The following GPC1 variants were observed in gnomAD, a reference collection of about 807,000 sequenced individuals.
The protein encoded by GPC1 is glypican-1.
Under a neutral mutation model 51.5 loss-of-function variants are expected in GPC1, and 26 were observed. That is an observed-to-expected ratio of 0.50 (90% CI 0.37 to 0.70). The LOEUF (loss-of-function observed/expected upper bound fraction) is 0.70. Among genes scored for constraint, GPC1 ranks in the 30% least tolerant of loss-of-function variants. The probability of loss-of-function intolerance (pLI) is 0.00; values close to 1 mark genes in which losing one functional copy is unlikely to be tolerated. For missense variants in GPC1, 775 were observed against 800.5 expected, an observed-to-expected ratio of 0.97 and a Z score of 0.38; for synonymous variants, 380 against 348.3, an observed-to-expected ratio of 1.09 and a Z score of -1.01.
chr2:240,455,393 C>G (rs2074148913), intron 1 of GPC1, among the ~76,000 whole-genome samples: 1 of 152,162 alleles, frequency 6.6e-6, no homozygotes, highest in Non-Finnish European at 1.5e-5. Context: ...GGGAGCAGGC[C>G]CGGTGACCTT....
chr2:240,463,492 C>T lies in GPC1; in HGVS notation c.863C>T (p.Ala288Val). 1.2e-6 allele frequency: 2 copies of T among 1,612,952 alleles called. No homozygotes were observed. Among genetic ancestry groups the T allele is most frequent in the Non-Finnish European group, 1.7e-6 (2 of 1,179,952 alleles). The change falls in exon 4 of 9, where the codon GCC becomes GTC. Residue 288 changes from alanine (A) to valine (V), a missense_variant. Ala to Val is a moderately conservative substitution (Grantham distance 64). Coordinates refer to ENST00000264039, the MANE Select transcript of GPC1 (RefSeq NM_002081.3). ...GCLANQADLD[A>V]EWRNLLDSMV... ...CTTGCCAACCAGGCCGACCTGGACG[C>T]CGAGTGGAGGAACCTCCTGGGTGAG...
intron 1 of GPC1, chr2:240,450,954 G>A (rs1294042316): frequency 2.5e-6 from 1 of 403,848 alleles, no homozygotes; most frequent in Non-Finnish European, 5.2e-6. Context: ...CATGTGAGAT[G>A]GAGGGAAGTG....
chr2:240,455,124 G>C (rs1373279197), intron 1 of GPC1: 1 of 163,170 alleles, frequency 6.1e-6, no homozygotes. Flanking sequence ...GACAGCAGCT[G>C]CCTACGAGCC....
chr2:240,462,256 G>C lies in GPC1; in HGVS notation c.391G>C (p.Gly131Arg). The part of the protein sequence containing the change: ...TLQATFPGAF[G>R]ELYTQNARAF... The stretch of plus-strand genomic sequence containing the variant: ...GCAGGCCACCTTCCCCGGCGCCTTC[G>C]GAGAGCTGTACACGCAGAACGCGAG... Residue 131 changes from glycine (G) to arginine (R), a missense_variant, in exon 3 of 9, where the codon GGA becomes CGA. Gly to Arg is a moderately radical substitution (Grantham distance 125, BLOSUM62 -2). Transcript: ENST00000264039. The C allele has an allele frequency of 6.2e-7, 1 of 1,610,610 alleles. No individual in the cohort carries two copies. Among genetic ancestry groups the C allele is most frequent in the Non-Finnish European group, 8.5e-7 (1 of 1,178,848 alleles).
intron 3 of GPC1, 91 bp downstream of exon 3, chr2:240,462,673 G>T: frequency 8.1e-7 from 1 of 1,236,702 alleles, no homozygotes; most frequent in Non-Finnish European, 1.1e-6. Context: ...TTAACCCTGT[G>T]CCCCTGGGCC....
At chr2:240,439,315 G>T (rs2074003512) in intron 1 of GPC1, among the ~76,000 whole-genome samples, 2 of 152,138 alleles carry the variant, frequency 1.3e-5, no homozygotes, top group Admixed American at 1.3e-4. Flanking sequence ...GAGGGTAGAG[G>T]AGGGTCTCCT....
At chr2:240,438,479 T>G (rs1389136398) in intron 1 of GPC1, among the ~76,000 whole-genome samples, 1 of 152,180 alleles carries the variant, frequency 6.6e-6, no homozygotes, top group Non-Finnish European at 1.5e-5. Context: ...CCAGGAGCCC[T>G]GGACCCTCTG....
rs1309630912 is a variant in GPC1, at chr2:240,456,259, T to TACGGGTGTTTCGGGCCTC, written c.167-2768_167-2751dup. On this transcript the variant is annotated intron_variant, in intron 1 of 8. Transcript: ENST00000264039. ...GCAGGTGGGGGGAGCTCCCATATCT[T>TACGGGTGTTTCGGGCCTC]ACGGGTGTTTCGGGCCTCACCTCTC... 2.0e-5 allele frequency among the ~76,000 whole-genome samples: 3 copies of TACGGGTGTTTCGGGCCTC among 152,046 alleles called. No homozygotes were observed. The East Asian group carries it at 5.8e-4, about 29-fold the overall frequency.
At chr2:240,462,693 G>A in intron 3 of GPC1, 111 bp downstream of exon 3, 1 of 992,672 alleles carries the variant, frequency 1.0e-6, no homozygotes, top group Non-Finnish European at 1.5e-6. Flanking sequence ...CTCTGGGCCA[G>A]CCTCTGACCT....
chr2:240,456,138 A>G, intron 1 of GPC1: 1 of 264,668 alleles, frequency 3.8e-6, no homozygotes, highest in Non-Finnish European at 7.5e-6. Context: ...GGCGGGGCTG[A>G]GGGGTCGGCG....
intron 1 of GPC1, among the ~76,000 whole-genome samples, chr2:240,443,703 G>T (rs1250914907): frequency 6.6e-6 from 1 of 152,228 alleles, no homozygotes; most frequent in Non-Finnish European, 1.5e-5. Flanking sequence ...CTTTGATGGG[G>T]CGCAGCCGGT....
intron 1 of GPC1, 26 bp from the exon 2 acceptor site, chr2:240,459,004 T>C (rs765047224): frequency 6.2e-7 from 1 of 1,607,584 alleles, no homozygotes; most frequent in South Asian, 1.1e-5. Flanking sequence ...CCAGCCCCTC[T>C]CCCTCACACT....
At chr2:240,445,319 A>C (rs1437418213) in intron 1 of GPC1, among the ~76,000 whole-genome samples, 1 of 152,074 alleles carries the variant, frequency 6.6e-6, no homozygotes, top group African/African-American at 2.4e-5. Context: ...CCCAAGCGGG[A>C]GCAGTTGCCC....
intron 1 of GPC1, chr2:240,452,077 G>T (rs2074103918): frequency 6.5e-6 from 1 of 153,528 alleles, no homozygotes; most frequent in South Asian, 2.0e-4. Flanking sequence ...GGGTGGTTTT[G>T]TCTGGCTGGG....
chr2:240,436,380 C>G (rs2073984489), intron 1 of GPC1, among the ~76,000 whole-genome samples: 2 of 152,102 alleles, frequency 1.3e-5, no homozygotes, highest in African/African-American at 4.8e-5. Context: ...CGCCGGGCTG[C>G]GGGCTCGGGG....
chr2:240,463,827 CTTGT>C (rs1261614269), intron 4 of GPC1: 1 of 405,148 alleles, frequency 2.5e-6, no homozygotes. Context: ...AGGACCGGCA[CTTGT>C]TTAAGCTAAC....
At chr2:240,465,810 C>G (rs952258425) in intron 8 of GPC1, among the ~76,000 whole-genome samples, 162 bp downstream of exon 8, 2 of 152,072 alleles carry the variant, frequency 1.3e-5, no homozygotes, top group South Asian at 4.1e-4. Context: ...TCACCGAGCC[C>G]TGCACCTCTG....
chr2:240,445,120 G>A (rs1177439497), intron 1 of GPC1, among the ~76,000 whole-genome samples: 1 of 152,160 alleles, frequency 6.6e-6, no homozygotes, highest in Non-Finnish European at 1.5e-5. Context: ...GAGCCTGGCG[G>A]GGGGCTGTAC....
chr2:240,442,858 G>T (rs909549624), intron 1 of GPC1, among the ~76,000 whole-genome samples: 2 of 152,244 alleles, frequency 1.3e-5, no homozygotes, highest in African/African-American at 4.8e-5. Flanking sequence ...TTAGAGCTCA[G>T]CACAGATGTG....
Sources: allele counts gnomAD v4.1 joint callset (sites outside exome capture counted in the v4.1 genomes callset), GRCh38; gene constraint gnomAD v4.1.1; transcripts MANE v1.5; gene names NCBI Gene and HGNC (gene_info 2026-07-23, HGNC 2026-07-21).